The following GPR107 variants were observed in gnomAD, a reference collection of about 807,000 sequenced individuals.
The protein encoded by GPR107 is G protein-coupled receptor 107.
Under a neutral mutation model 75.5 loss-of-function variants are expected in GPR107, and 31 were observed. The observed-to-expected ratio is 0.41, with a 90% CI of 0.31 to 0.55. GPR107 has a LOEUF of 0.55. GPR107 is among the 20% of genes least tolerant of loss of function. GPR107 has a pLI of 0.26. For missense variants in GPR107, 572 were observed against 665.7 expected, an observed-to-expected ratio of 0.86 and a Z score of 1.55; for synonymous variants, 267 against 251.3, an observed-to-expected ratio of 1.06 and a Z score of -0.59.
At chr9:130,076,494 CT>C in intron 3 of GPR107, 32 bp downstream of exon 3, 1 of 1,354,934 alleles carries the variant, frequency 7.4e-7, no homozygotes, top group Non-Finnish European at 1.1e-6. Flanking sequence ...TGATTCATCT[CT>C]TCACCTGAGC....
chr9:130,056,365 G>C (rs913653685), intron 1 of GPR107, among the ~76,000 whole-genome samples: 1 of 151,854 alleles, frequency 6.6e-6, no homozygotes, highest in Non-Finnish European at 1.5e-5. Context: ...CAGGAGAATC[G>C]CTTGGACCCA....
chr9:130,065,766 C>CA (rs34927308), intron 1 of GPR107, among the ~76,000 whole-genome samples: 5 of 61,040 alleles, frequency 8.2e-5, no homozygotes, highest in African/African-American at 3.2e-4. Flanking sequence ...GACCCTGTCT[C>CA]AAAAAAAAAA....
At chr9:130,064,785 G>A (rs1830029933) in intron 1 of GPR107, among the ~76,000 whole-genome samples, 1 of 152,160 alleles carries the variant, frequency 6.6e-6, no homozygotes, top group Non-Finnish European at 1.5e-5. Flanking sequence ...AGGGCGCAGA[G>A]GCACACACAG....
In GPR107 at chr9:130,062,458, T is replaced by C. The variant is rs139277738; in HGVS notation, c.141+8385T>C. On this transcript the variant is annotated intron_variant, in intron 1 of 17. Transcript: ENST00000347136. ...ATAATAATAATAATAATAATAATAATAGCACTGAGTAGTAGACTGATCTAA... is the reference window on the plus strand; with the variant it reads ...ATAATAATAATAATAATAATAATAACAGCACTGAGTAGTAGACTGATCTAA... Among the ~76,000 whole-genome samples, 321 of 148,596 alleles carry C rather than the reference T, an allele frequency of 2.2e-3. 1 individual carries two copies. The highest frequency in any genetic ancestry group is 7.3e-3 in the African/African-American group (295 of 40,554).
chr9:130,059,002 T>G (rs917032534), intron 1 of GPR107, among the ~76,000 whole-genome samples: 2 of 152,164 alleles, frequency 1.3e-5, no homozygotes, highest in Non-Finnish European at 2.9e-5. Flanking sequence ...GGGCCATATG[T>G]TTTCATTTCT....
intron 17 of GPR107, among the ~76,000 whole-genome samples, chr9:130,134,389 G>T (rs1241838341): frequency 6.6e-6 from 1 of 152,216 alleles, no homozygotes; most frequent in Non-Finnish European, 1.5e-5. Flanking sequence ...GCTCCATGGG[G>T]CCTCCTCAGA....
chr9:130,072,001 C>G (rs1830221839), intron 1 of GPR107, among the ~76,000 whole-genome samples: 1 of 151,466 alleles, frequency 6.6e-6, no homozygotes, highest in African/African-American at 2.4e-5. Context: ...TTGAGACAGT[C>G]TTGCTCTGTT....
At chr9:130,071,035 C>CTTTTTT (rs56799662) in intron 1 of GPR107, among the ~76,000 whole-genome samples, 2,119 of 98,144 alleles carry the variant, frequency 0.022, 121 homozygotes, top group Middle Eastern at 0.065. Flanking sequence ...TTTTTTTTTT[C>CTTTTTT]TTTTTTTTTT....
chr9:130,070,423 C>T (rs953281869), intron 1 of GPR107, among the ~76,000 whole-genome samples: 1 of 152,156 alleles, frequency 6.6e-6, no homozygotes, highest in African/African-American at 2.4e-5. Flanking sequence ...CCTGCCTCAG[C>T]CTCCCACGTA....
At chr9:130,062,394 CAA>C (rs921394392) in intron 1 of GPR107, among the ~76,000 whole-genome samples, 1 of 148,620 alleles carries the variant, frequency 6.7e-6, no homozygotes, top group African/African-American at 2.5e-5. Flanking sequence ...GCCTGGGTGA[CAA>C]GAGCAAGACC....
chr9:130,075,293 A>G (rs1343587854), intron 1 of GPR107, among the ~76,000 whole-genome samples: 3 of 138,682 alleles, frequency 2.2e-5, no homozygotes, highest in East Asian at 2.1e-4. Context: ...CACCCAAGCT[A>G]GAGTGCAGTG....
chr9:130,130,658 T>C (rs1554898884), intron 17 of GPR107, among the ~76,000 whole-genome samples: 1 of 151,968 alleles, frequency 6.6e-6, no homozygotes. Flanking sequence ...GATCACGAGG[T>C]CAGGAGTTCG....
intron 14 of GPR107, among the ~76,000 whole-genome samples, chr9:130,123,537 T>C (rs1298842429): frequency 1.4e-4 from 20 of 147,492 alleles, no homozygotes; most frequent in East Asian, 4.0e-4. Context: ...TTTCTTTTTT[T>C]TTTTTTTTTT....
intron 1 of GPR107, among the ~76,000 whole-genome samples, chr9:130,060,560 C>T (rs1255475546): frequency 6.6e-6 from 1 of 152,010 alleles, no homozygotes; most frequent in Non-Finnish European, 1.5e-5. Flanking sequence ...GCTAAGACTA[C>T]AGATGCTTGC....
At chr9:130,087,989 G>T (rs2132584987) in intron 7 of GPR107, among the ~76,000 whole-genome samples, 1 of 152,114 alleles carries the variant, frequency 6.6e-6, no homozygotes, top group East Asian at 1.9e-4. Flanking sequence ...TTTTTCCATG[G>T]ATCATTTTGC....
intron 14 of GPR107, among the ~76,000 whole-genome samples, chr9:130,114,056 T>TTC: frequency 7.0e-6 from 1 of 143,254 alleles, no homozygotes; most frequent in Non-Finnish European, 1.5e-5. Flanking sequence ...TTTTCATTTT[T>TTC]TTTTTTTAGA....
intron 9 of GPR107, among the ~76,000 whole-genome samples, chr9:130,098,752 A>G (rs1304245166): frequency 6.6e-6 from 1 of 152,220 alleles, no homozygotes; most frequent in East Asian, 1.9e-4. Context: ...TCACCCCTGT[A>G]ATCCCAGCAC....
intron 9 of GPR107, among the ~76,000 whole-genome samples, chr9:130,098,917 G>T (rs990082564): frequency 3.9e-5 from 6 of 152,000 alleles, no homozygotes; most frequent in Non-Finnish European, 8.8e-5. Flanking sequence ...TTGAGGCGGT[G>T]GGGGGGCATC....
intron 5 of GPR107, 40 bp from the exon 6 acceptor site, chr9:130,083,525 G>T: frequency 7.4e-7 from 1 of 1,344,950 alleles, no homozygotes; most frequent in South Asian, 1.5e-5. Context: ...TCTGTAAGTT[G>T]AGTCATGCAG....
Sources: gnomAD v4.1 joint callset for allele counts (sites outside exome capture counted in the v4.1 genomes callset) on GRCh38, gnomAD v4.1.1 for gene constraint, MANE v1.5 for transcripts, NCBI Gene and HGNC (gene_info 2026-07-23, HGNC 2026-07-21) for gene names.